The following DENND1A variants were observed in gnomAD, a reference collection of about 807,000 sequenced individuals.
DENND1A encodes DENN domain-containing protein 1A.
Under a neutral mutation model 113.7 loss-of-function variants are expected in DENND1A, and 51 were observed. The observed-to-expected ratio is 0.45, with a 90% CI of 0.36 to 0.57. DENND1A has a LOEUF of 0.57. Among genes scored for constraint, DENND1A ranks in the 20% least tolerant of loss-of-function variants. The pLI, the probability that DENND1A is intolerant of heterozygous loss-of-function variation, is 0.00. For missense variants in DENND1A, 1,258 were observed against 1,395.9 expected, an observed-to-expected ratio of 0.90 and a Z score of 1.57; for synonymous variants, 565 against 570.8, an observed-to-expected ratio of 0.99 and a Z score of 0.14.
At chr9:123,768,743 GAAAAT>G (rs1433271892) in intron 4 of DENND1A, among the ~76,000 whole-genome samples, 1 of 146,188 alleles carries the variant, frequency 6.8e-6, no homozygotes, top group Admixed American at 6.9e-5. Context: ...GACATTTTTT[GAAAAT>G]AAAATAATTG....
At chr9:123,635,817 T>C (rs891878487) in intron 9 of DENND1A, among the ~76,000 whole-genome samples, 1 of 152,184 alleles carries the variant, frequency 6.6e-6, no homozygotes, top group African/African-American at 2.4e-5. Flanking sequence ...TGTTGGAAAG[T>C]CTTGCTTTTT....
chr9:123,789,300 C>A lies in DENND1A; in HGVS notation c.132+3287G>T, dbSNP rs184050245. 1.1e-4 allele frequency among the ~76,000 whole-genome samples: 16 copies of A among 152,186 alleles called. No homozygotes were observed. The East Asian group carries it at 2.5e-3, about 24-fold the overall frequency. ...AAATCACTTTGTCAGTAATTACAAT[C>A]AGGCTGCTCATTACTTCTTCCTTCT... On this transcript the variant is annotated intron_variant, in intron 3 of 23. Transcript: ENST00000394215.
chr9:123,671,162 T>C (rs1029649835), intron 7 of DENND1A, 129 bp downstream of exon 7: 3 of 1,006,382 alleles, frequency 3.0e-6, no homozygotes, highest in Non-Finnish European at 4.7e-6. Context: ...AACTCAGAGG[T>C]CTCAGAGTAT....
In DENND1A at chr9:123,767,844, C is replaced by A. The variant is rs551993873; in HGVS notation, c.182+1670G>T. 5.6e-4 allele frequency among the ~76,000 whole-genome samples: 86 copies of A among 152,294 alleles called. 3 individuals carry two copies. The highest frequency in any genetic ancestry group is 5.6e-3 in the Admixed American group (86 of 15,298). ...TATCCAAAACAAATCACCACTCTAA[C>A]AAGAAGTCATGTAAAAATGTATTCT... On this transcript the variant is annotated intron_variant, in intron 4 of 23. Coordinates refer to ENST00000394215, the MANE Select transcript of DENND1A (RefSeq NM_001352964.2).
chr9:123,401,596 C>A, intron 21 of DENND1A: 1 of 1,414,516 alleles, frequency 7.1e-7, no homozygotes, highest in East Asian at 2.6e-5. Context: ...GGCTCCCATG[C>A]TCCCACTGGT....
At chr9:123,520,695 A>G (rs2054322598) in intron 13 of DENND1A, among the ~76,000 whole-genome samples, 1 of 152,232 alleles carries the variant, frequency 6.6e-6, no homozygotes, top group African/African-American at 2.4e-5. Context: ...CAATCACTGA[A>G]CTGCCTGCCT....
Position 123,470,113 on chromosome 9 carries a change from C to G in DENND1A, c.994-12216G>C, listed in dbSNP as rs1000343360. 5.3e-5 allele frequency among the ~76,000 whole-genome samples: 8 copies of G among 152,320 alleles called. No homozygotes were observed. In the East Asian group the frequency reaches 1.5e-3, roughly 29 times the overall value. On this transcript the variant is annotated intron_variant, in intron 13 of 23. Transcript: ENST00000394215. ...TGCACTCTATGCCTGCTGTAGCCATCTCGGCTCTTGGAGCCTCTGTTTCTT... is the reference window on the plus strand; with the variant it reads ...TGCACTCTATGCCTGCTGTAGCCATGTCGGCTCTTGGAGCCTCTGTTTCTT...
chr9:123,554,320 T>C (rs990516337), intron 13 of DENND1A, among the ~76,000 whole-genome samples: 1 of 152,132 alleles, frequency 6.6e-6, no homozygotes, highest in Non-Finnish European at 1.5e-5. Context: ...ACTCCTGGGC[T>C]GAAGTGGTCC....
chr9:123,387,581 G>A (rs1187488435), intron 22 of DENND1A, 149 bp downstream of exon 22: 2 of 866,028 alleles, frequency 2.3e-6, no homozygotes, highest in Non-Finnish European at 3.2e-6. Flanking sequence ...TGTCCACCCT[G>A]CATGTTGGCA....
chr9:123,549,738 T>A (rs1239588283), intron 13 of DENND1A, among the ~76,000 whole-genome samples: 1 of 152,188 alleles, frequency 6.6e-6, no homozygotes, highest in Non-Finnish European at 1.5e-5. Flanking sequence ...AAAATGCATA[T>A]GAAATCTTGT....
chr9:123,673,534 A>G (rs574886091), intron 6 of DENND1A, among the ~76,000 whole-genome samples: 1 of 152,318 alleles, frequency 6.6e-6, no homozygotes, highest in Non-Finnish European at 1.5e-5. Flanking sequence ...TTATTTCTTC[A>G]ATGAGACTGG....
intron 1 of DENND1A, among the ~76,000 whole-genome samples, chr9:123,903,666 G>C (rs998397560): frequency 1.6e-4 from 24 of 152,180 alleles, no homozygotes; most frequent in Non-Finnish European, 2.5e-4. Flanking sequence ...TTTCGGACCG[G>C]CTTAAAAAAC....
chr9:123,911,420 A>G (rs961214336), intron 1 of DENND1A, among the ~76,000 whole-genome samples: 1 of 152,262 alleles, frequency 6.6e-6, no homozygotes, highest in African/African-American at 2.4e-5. Context: ...TCCTGGGTAT[A>G]AACCTAACAG....
intron 10 of DENND1A, among the ~76,000 whole-genome samples, chr9:123,611,118 T>C (rs187411743): frequency 8.5e-5 from 13 of 152,374 alleles, no homozygotes; most frequent in Non-Finnish European, 1.5e-4. Context: ...TTGTATTTGA[T>C]AATAGCTAAA....
chr9:123,767,656 G>C (rs1045551386), intron 4 of DENND1A, among the ~76,000 whole-genome samples: 1 of 152,158 alleles, frequency 6.6e-6, no homozygotes, highest in Non-Finnish European at 1.5e-5. Flanking sequence ...GTGTGTGTAT[G>C]TGTGTATGCA....
rs79477948 is a variant in DENND1A at position 123,913,999 on chromosome 9, C to T, written c.17+15890G>A. On this transcript the variant is annotated intron_variant, in intron 1 of 23. Transcript: ENST00000394215. ...GCAGCAGTGCAGACATGGTCAGGTC[C>T]GAGAACTATACCACACATAACCAGT... Among the ~76,000 whole-genome samples, 71 of 151,878 alleles carry T rather than the reference C, an allele frequency of 4.7e-4. 1 individual carries two copies. The highest frequency in any genetic ancestry group is 1.6e-3 in the African/African-American group (66 of 41,434).
intron 11 of DENND1A, among the ~76,000 whole-genome samples, chr9:123,594,044 C>T (rs529261152): frequency 3.5e-4 from 53 of 152,336 alleles, no homozygotes; most frequent in African/African-American, 1.3e-3. Context: ...GCCTCCCCAG[C>T]CATGCTTCCT....
intron 19 of DENND1A, among the ~76,000 whole-genome samples, chr9:123,416,644 T>C: frequency 6.6e-6 from 1 of 152,290 alleles, no homozygotes; most frequent in South Asian, 2.1e-4. Flanking sequence ...ATTCGACAGT[T>C]CCTCCAGCAC....
chr9:123,588,673 A>T (rs1452653341), intron 11 of DENND1A, among the ~76,000 whole-genome samples: 1 of 150,628 alleles, frequency 6.6e-6, no homozygotes, highest in Non-Finnish European at 1.5e-5. Context: ...AGAAAATTAC[A>T]GTTATCCCAG....
Sources: allele counts gnomAD v4.1 joint callset (sites outside exome capture counted in the v4.1 genomes callset), GRCh38; gene constraint gnomAD v4.1.1; transcripts MANE v1.5; gene names NCBI Gene and HGNC (gene_info 2026-07-23, HGNC 2026-07-21).